Variants in RPL6 observed in about 807,000 individuals in gnomAD.
RPL6 encodes ribosomal protein L6, also known as large ribosomal subunit protein eL6.
RPL6 carries 1 observed loss-of-function variant against 32.1 expected under a neutral mutation model. The ratio of observed to expected loss-of-function variants is 0.03; its 90% CI spans 0.01 to 0.15. The LOEUF is 0.15. RPL6 is among the 10% of genes least tolerant of loss of function. The probability of loss-of-function intolerance (pLI) is 1.00; values close to 1 mark genes in which losing one functional copy is unlikely to be tolerated. For synonymous variants in RPL6, 126 were observed against 131.6 expected, an observed-to-expected ratio of 0.96 and a Z score of 0.29; for missense variants, 275 against 354.6, an observed-to-expected ratio of 0.78 and a Z score of 1.80.
rs116977141 is a variant in RPL6, at chr12:112,405,630, A to G, written c.714+223T>C. ...AAGGGCACATTCCCAATACGATGGT[A>G]GCAGTTAATTCCCACACAATTCCAC... On this transcript the variant is annotated intron_variant, in intron 6 of 6. Coordinates refer to ENST00000202773, the MANE Select transcript of RPL6 (RefSeq NM_000970.6). 7 of 608,234 alleles carry G rather than the reference A, an allele frequency of 1.2e-5. No individual in the cohort carries two copies. The East Asian group carries it at 1.7e-4, about 15-fold the overall frequency. The allele number at this position is 608,234 out of a possible 1,614,324, so 37.7% of individuals were successfully genotyped here.
intron 1 of RPL6, among the ~76,000 whole-genome samples, chr12:112,417,549 AC>A (rs1336341738): frequency 1.2e-5 from 1 of 86,396 alleles, no homozygotes; most frequent in African/African-American, 4.7e-5. Context: ...CTTCCGTACC[AC>A]CCGGCCCGGC....
chr12:112,409,554 C>A (rs1020347112), intron 1 of RPL6, 33 bp downstream of exon 1: 1 of 398,504 alleles, frequency 2.5e-6, no homozygotes, highest in Non-Finnish European at 4.4e-6. Flanking sequence ...GAGTCCTGAA[C>A]TCAAGTCTTG....
chr12:112,408,264 G>C lies in RPL6; in HGVS notation c.312C>G (p.Thr104=). Residue 104 remains threonine, a synonymous_variant, in exon 3 of 7, where the codon ACC becomes ACG. Transcript: ENST00000202773. ...KPVGGDKNGG[T]RVVKLRKMPR... Reference sequence around the variant, plus strand: ...CCATTTTGCGAAGTTTAACCACCCGGGTACCGCCGTTCTTGTCACCACCAA... The same window carrying C: ...CCATTTTGCGAAGTTTAACCACCCGCGTACCGCCGTTCTTGTCACCACCAA... 2.5e-6 allele frequency: 4 copies of C among 1,614,090 alleles called. No individual in the cohort carries two copies. Among genetic ancestry groups the C allele is most frequent in the Non-Finnish European group, 3.4e-6 (4 of 1,179,992 alleles).
rs1007641217 is a variant in RPL6 at position 112,407,019 on chromosome 12, T to G, written c.337-129A>C. ...ATAATACTGTATTTATATGATTCCA[T>G]TTTCATTTCTGCTAAGTAGACTTGG... On this transcript the variant is annotated intron_variant, in intron 3 of 6. Coordinates refer to ENST00000202773, the MANE Select transcript of RPL6 (RefSeq NM_000970.6). 3 of 908,682 alleles carry G rather than the reference T, an allele frequency of 3.3e-6. No individual in the cohort carries two copies. The Middle Eastern group carries it at 6.9e-4, about 209-fold the overall frequency. The allele number at this position is 908,682 out of a possible 1,614,324, so 56.3% of individuals were successfully genotyped here. A position where few individuals can be genotyped will look rare whatever the true frequency, so the allele number is the denominator to read the frequency against.
At chr12:112,407,201 T>C (rs1317558013) in intron 3 of RPL6, 1 of 249,376 alleles carries the variant, frequency 4.0e-6, no homozygotes, top group African/African-American at 2.3e-5. Context: ...CATGCCACAT[T>C]TTGCAGATTA....
chr12:112,409,075 T>C (rs549184971), intron 1 of RPL6: 51 of 234,986 alleles, frequency 2.2e-4, no homozygotes, highest in Non-Finnish European at 3.5e-4. Context: ...TTAAGACCAG[T>C]GTCTCTTTTC....
chr12:112,415,251 G>GA (rs1266688231), upstream of RPL6, among the ~76,000 whole-genome samples: 4 of 95,466 alleles, frequency 4.2e-5, no homozygotes, highest in African/African-American at 2.8e-4. Context: ...GTGGGGAGAC[G>GA]GGGTGGTGAA....
chr12:112,405,999 G>C lies in RPL6; in HGVS notation c.568C>G (p.His190Asp), dbSNP rs1227153051. 1 of 1,613,908 alleles carries C rather than the reference G, an allele frequency of 6.2e-7. No individual in the cohort carries two copies. Among genetic ancestry groups the C allele is most frequent in the Non-Finnish European group, 8.5e-7 (1 of 1,179,982 alleles). Residue 190 changes from histidine (H) to aspartate (D), a missense_variant, in exon 6 of 7, where the codon CAC becomes GAC. Coordinates refer to ENST00000202773, the MANE Select transcript of RPL6 (RefSeq NM_000970.6). Reference protein sequence around the residue: ...VLNRVPLRRTHQKFVIATSTK... With the variant: ...VLNRVPLRRTDQKFVIATSTK... Reference sequence around the variant, plus strand: ...GAAGTGGCAATGACAAATTTCTGGTGTGTTCTTCGTAGAGGAACTCGATTG... The same window carrying C: ...GAAGTGGCAATGACAAATTTCTGGTCTGTTCTTCGTAGAGGAACTCGATTG...
chr12:112,416,946 A>G (rs2037418626), intron 1 of RPL6, among the ~76,000 whole-genome samples: 1 of 152,234 alleles, frequency 6.6e-6, no homozygotes, highest in Non-Finnish European at 1.5e-5. Context: ...AGCACACAGT[A>G]TGAGACTCAC....
chr12:112,418,771 A>G (rs999302793), exon 1 of RPL6: 33 of 417,448 alleles, frequency 7.9e-5, no homozygotes, highest in South Asian at 6.9e-4. Context: ...TGCTTTGGAC[A>G]CTGTGCGTGG....
intron 1 of RPL6, among the ~76,000 whole-genome samples, chr12:112,417,520 CAG>C (rs1566149048): frequency 1.4e-5 from 2 of 147,380 alleles, no homozygotes; most frequent in Admixed American, 6.9e-5. Flanking sequence ...TCGAGCTTCA[CAG>C]AGTGTCCAAA....
chr12:112,407,479 G>C (rs1022642840), intron 3 of RPL6: 1 of 152,720 alleles, frequency 6.5e-6, no homozygotes, highest in Non-Finnish European at 1.5e-5. Context: ...CCACAAACAT[G>C]ATCACCTAAT....
At chr12:112,416,602 C>G (rs4529935) in intron 1 of RPL6, among the ~76,000 whole-genome samples, 2 of 150,404 alleles carry the variant, frequency 1.3e-5, no homozygotes, top group African/African-American at 2.5e-5. Flanking sequence ...TTAGTAGAGA[C>G]GAGGGTTCAC....
rs1272714999 is a variant in RPL6 at position 112,405,945 on chromosome 12, T to A, written c.622A>T (p.Ile208Phe). 3 of 1,614,116 alleles carry A rather than the reference T, an allele frequency of 1.9e-6. No homozygotes were observed. In the South Asian group the frequency reaches 3.3e-5, roughly 18 times the overall value. ...TAAGCATCAGTAAGATGTTTTGGGA[T>A]TTTTACATTGCTGATATCGATTTTG... ...STKIDISNVK[I>F]PKHLTDAYFK... The change falls in exon 6 of 7, where the codon ATC becomes TTC. Residue 208 changes from isoleucine to phenylalanine, a missense_variant. Transcript: ENST00000202773.
chr12:112,415,820 G>T (rs1343000759), intron 1 of RPL6, among the ~76,000 whole-genome samples: 1 of 150,614 alleles, frequency 6.6e-6, no homozygotes, highest in Non-Finnish European at 1.5e-5. Flanking sequence ...CCACCTAGGA[G>T]TCCCAAAACA....
chr12:112,408,237 T>G lies in RPL6; in HGVS notation c.336+3A>C. 1 of 1,611,780 alleles carries G rather than the reference T, an allele frequency of 6.2e-7. No individual in the cohort carries two copies. The highest frequency in any genetic ancestry group is 8.5e-7 in the Non-Finnish European group (1 of 1,178,008). ...AATCCAATTTACAGTCCCCACATCT[T>G]ACCATTTTGCGAAGTTTAACCACCC... On this transcript the variant is annotated splice_donor_region_variant and intron_variant, in intron 3 of 6. Transcript: ENST00000202773.
intron 1 of RPL6, among the ~76,000 whole-genome samples, chr12:112,416,327 G>C (rs12146830): frequency 6.6e-6 from 1 of 152,038 alleles, no homozygotes; most frequent in African/African-American, 2.4e-5. Flanking sequence ...TTTTAGTAGA[G>C]ATGGGGTTTC....
upstream of RPL6, chr12:112,409,613 G>C (rs941082118): frequency 2.5e-6 from 1 of 398,046 alleles, no homozygotes; most frequent in Non-Finnish European, 4.4e-6. Context: ...GAGAATTAAG[G>C]TCCCGGCTTC....
At chr12:112,408,383 G>C in intron 2 of RPL6, 37 bp downstream of exon 2, 1 of 1,613,536 alleles carries the variant, frequency 6.2e-7, no homozygotes, top group Non-Finnish European at 8.5e-7. Flanking sequence ...TGCCAATTAA[G>C]GTTAAGACAT....
Sources: allele counts gnomAD v4.1 joint callset (sites outside exome capture counted in the v4.1 genomes callset), GRCh38; gene constraint gnomAD v4.1.1; transcripts MANE v1.5; gene names NCBI Gene and HGNC (gene_info 2026-07-23, HGNC 2026-07-21).